HECW1: variants seen among roughly 807,000 people sequenced by gnomAD.
The protein encoded by HECW1 is E3 ubiquitin-protein ligase HECW1.
HECW1 carries 61 observed loss-of-function variants against 182.3 expected under a neutral mutation model. That is an observed-to-expected ratio of 0.33 (90% confidence interval 0.27 to 0.41). The LOEUF is 0.41. Among genes scored for constraint, HECW1 ranks in the 10% least tolerant of loss-of-function variants. The pLI is 1.00. For missense variants in HECW1, 1,739 were observed against 2,108.9 expected (o/e 0.82, Z 3.44); for synonymous variants, 859 against 832.6 (o/e 1.03, Z -0.55).
intron 2 of HECW1, among the ~76,000 whole-genome samples, chr7:43,233,202 T>A (rs1299869855): frequency 6.6e-6 from 1 of 152,192 alleles, no homozygotes; most frequent in Non-Finnish European, 1.5e-5. Flanking sequence ...AAACAACAGT[T>A]ACTAAAAAAA....
chr7:43,181,770 C>A (rs889084613), intron 2 of HECW1, among the ~76,000 whole-genome samples: 1 of 150,406 alleles, frequency 6.6e-6, no homozygotes, highest in Non-Finnish European at 1.5e-5. Context: ...AATATTTTCT[C>A]ATATTGTTTT....
chr7:43,382,248 T>A (rs558114956), intron 6 of HECW1, among the ~76,000 whole-genome samples: 1 of 150,814 alleles, frequency 6.6e-6, no homozygotes, highest in Admixed American at 6.6e-5. Context: ...ATCGCGCCAC[T>A]GCACTCCAGC....
intron 26 of HECW1, among the ~76,000 whole-genome samples, chr7:43,547,747 A>G (rs901662005): frequency 2.0e-5 from 3 of 152,226 alleles, no homozygotes; most frequent in Non-Finnish European, 2.9e-5. Flanking sequence ...TATGGTGCCT[A>G]TCAAGTAATT....
At chr7:43,431,409 G>A (rs2076545340) in intron 8 of HECW1, among the ~76,000 whole-genome samples, 4 of 152,058 alleles carry the variant, frequency 2.6e-5, no homozygotes, top group Admixed American at 2.6e-4. Context: ...CCAGGCTCGG[G>A]AATTTGTGAC....
chr7:43,285,224 A>G (rs1017165506), intron 3 of HECW1, among the ~76,000 whole-genome samples: 2 of 152,190 alleles, frequency 1.3e-5, no homozygotes, highest in Non-Finnish European at 2.9e-5. Context: ...GGGATTAGAT[A>G]TGTAGACAAA....
chr7:43,356,370 T>C (rs966799101), intron 5 of HECW1, among the ~76,000 whole-genome samples: 2 of 152,178 alleles, frequency 1.3e-5, no homozygotes, highest in Non-Finnish European at 2.9e-5. Context: ...AATCTATGCA[T>C]ATCTATGCAC....
intron 5 of HECW1, among the ~76,000 whole-genome samples, chr7:43,336,966 C>T (rs1440762062): frequency 6.6e-6 from 1 of 152,170 alleles, no homozygotes; most frequent in Non-Finnish European, 1.5e-5. Context: ...TAGGTTGGTT[C>T]CATGACTTTG....
At chr7:43,262,365 T>C (rs1191461891) in intron 3 of HECW1, among the ~76,000 whole-genome samples, 1 of 152,096 alleles carries the variant, frequency 6.6e-6, no homozygotes, top group South Asian at 2.1e-4. Context: ...CTTTATAGAT[T>C]TCATCTAATT....
intron 6 of HECW1, among the ~76,000 whole-genome samples, chr7:43,365,462 G>C (rs547654062): frequency 7.0e-6 from 1 of 143,600 alleles, no homozygotes; most frequent in Non-Finnish European, 1.5e-5. Flanking sequence ...ATTCCCACCC[G>C]TGTGGGGCCA....
At chr7:43,358,827 T>C (rs1815495731) in intron 5 of HECW1, among the ~76,000 whole-genome samples, 1 of 143,750 alleles carries the variant, frequency 7.0e-6, no homozygotes, top group South Asian at 2.3e-4. Context: ...TCTTTTTTTT[T>C]TTTTTTTTTT....
intron 12 of HECW1, among the ~76,000 whole-genome samples, chr7:43,454,252 A>G (rs1277256670): frequency 6.6e-6 from 1 of 152,232 alleles, no homozygotes; most frequent in Non-Finnish European, 1.5e-5. Context: ...TCTCTAGTTC[A>G]GAGTGAGTGC....
At chr7:43,478,345 G>T (rs1376164063) in intron 16 of HECW1, among the ~76,000 whole-genome samples, 1 of 152,164 alleles carries the variant, frequency 6.6e-6, no homozygotes, top group Non-Finnish European at 1.5e-5. Context: ...GAACCCAGGA[G>T]GCAGAGGTTG....
chr7:43,169,675 A>T (rs867275625), intron 2 of HECW1, among the ~76,000 whole-genome samples: 37 of 146,744 alleles, frequency 2.5e-4, no homozygotes, highest in Middle Eastern at 3.5e-3. Context: ...TTATCTTTGT[A>T]TCTTTTTTTC....
chr7:43,288,334 G>T (rs1166518262), intron 3 of HECW1, among the ~76,000 whole-genome samples: 1 of 152,036 alleles, frequency 6.6e-6, no homozygotes, highest in East Asian at 1.9e-4. Context: ...GAGGAAGGTG[G>T]CCATGTGTAT....
At chr7:43,153,643 G>A (rs1412058590) in intron 2 of HECW1, among the ~76,000 whole-genome samples, 1 of 152,166 alleles carries the variant, frequency 6.6e-6, no homozygotes, top group Non-Finnish European at 1.5e-5. Flanking sequence ...GAGGTTTCCA[G>A]CCTGCCTCTC....
chr7:43,558,334 A>T (rs530037603), intron 29 of HECW1, among the ~76,000 whole-genome samples: 2 of 152,318 alleles, frequency 1.3e-5, no homozygotes, highest in East Asian at 3.9e-4. Flanking sequence ...ATGAGCAATT[A>T]ACTGGCCTAA....
In HECW1 at chr7:43,541,222, C is replaced by T. The variant is rs745723133; in HGVS notation, c.4079C>T (p.Ala1360Val). ...LALIHQYLLDAFFTRPFYKAL... is the reference protein window; with the variant it reads ...LALIHQYLLDVFFTRPFYKAL... ...CTGATCCATCAGTACCTTCTTGACG[C>T]TTTCTTCACGAGGCCCTTCTACAAG... Residue 1360 changes from alanine to valine, a missense_variant, in exon 25 of 30, where the codon GCT (alanine) becomes GTT (valine). Physicochemically the swap from Ala to Val is moderately conservative, Grantham distance 64. Around this residue, in one of 5 missense-constraint regions of HECW1, gnomAD observed 420 missense variants for 595.7 expected, o/e 0.71. Coordinates refer to ENST00000395891, the MANE Select transcript of HECW1 (RefSeq NM_015052.5). The T allele has an allele frequency of 9.9e-6, 16 of 1,614,084 alleles. No homozygotes were observed. In the African/African-American group the frequency reaches 1.9e-4, roughly 19 times the overall value.
At chr7:43,389,994 T>G (rs2152833600) in intron 6 of HECW1, among the ~76,000 whole-genome samples, 1 of 152,270 alleles carries the variant, frequency 6.6e-6, no homozygotes, top group South Asian at 2.1e-4. Flanking sequence ...GTATTCCTGG[T>G]GCTAAAATCT....
rs371501613 is a variant in HECW1 at position 43,184,798 on chromosome 7, C to T, written c.-31-59077C>T. Among the ~76,000 whole-genome samples, 7 of 152,196 alleles carry T rather than the reference C, an allele frequency of 4.6e-5. 1 individual carries two copies. In the South Asian group the frequency reaches 1.2e-3, roughly 27 times the overall value. Reference sequence around the variant, plus strand: ...GGTTCTGCAGGCTGTTCAGGAAACACGATGCTGGCATCTGCTTGGGGAGGC... The same window carrying T: ...GGTTCTGCAGGCTGTTCAGGAAACATGATGCTGGCATCTGCTTGGGGAGGC... On this transcript the variant is annotated intron_variant, in intron 2 of 29. Coordinates refer to ENST00000395891, the MANE Select transcript of HECW1 (RefSeq NM_015052.5).
Sources: allele counts gnomAD v4.1 joint callset (sites outside exome capture counted in the v4.1 genomes callset), GRCh38; gene constraint gnomAD v4.1.1; regional missense constraint gnomAD v4.1.1; transcripts MANE v1.5; gene names NCBI Gene and HGNC (gene_info 2026-07-23, HGNC 2026-07-21).